MYO9A: variants seen among roughly 807,000 people sequenced by gnomAD.
MYO9A encodes the protein unconventional myosin-IXa.
A neutral mutation model predicts 293.3 loss-of-function variants in MYO9A; 103 were observed. The observed-to-expected ratio is 0.35, with a 90% CI of 0.30 to 0.41. The LOEUF is 0.41. Ranked by LOEUF, MYO9A falls within the 10% of genes least tolerant of loss-of-function variation. The probability of loss-of-function intolerance (pLI) is 1.00; values close to 1 mark genes in which losing one functional copy is unlikely to be tolerated. For synonymous variants in MYO9A, 1,001 were observed against 1,035.7 expected (o/e 0.97, Z 0.64); for missense variants, 2,685 against 3,033.0 (o/e 0.89, Z 2.69).
In MYO9A at chr15:71,824,343, AAAG is replaced by A; in HGVS notation, c.*2234_*2236del. 1 of 152,208 alleles carries A rather than the reference AAAG, an allele frequency of 6.6e-6. No homozygotes were observed. The highest frequency in any genetic ancestry group is 1.9e-4 in the East Asian group (1 of 5,198). 9.4% of individuals were successfully genotyped at this position (152,208 alleles called of 1,614,324 possible). ...CTGCCAAAAAACTTATTTTGCCAAAAAAGCCCCACAAAGATTTAGAAGGAAGAA... is the reference window on the plus strand; with the variant it reads ...CTGCCAAAAAACTTATTTTGCCAAAACCCCACAAAGATTTAGAAGGAAGAA... On this transcript the variant is annotated 3_prime_UTR_variant, in exon 42 of 42. Transcript: ENST00000356056.
chr15:71,921,831 A>G (rs965425631), intron 18 of MYO9A, among the ~76,000 whole-genome samples: 9 of 152,204 alleles, frequency 5.9e-5, no homozygotes, highest in Non-Finnish European at 1.0e-4. Context: ...AAGTTATGAC[A>G]TATTTACATA....
chr15:71,942,285 C>T (rs1178546797), intron 15 of MYO9A, among the ~76,000 whole-genome samples: 1 of 151,690 alleles, frequency 6.6e-6, no homozygotes, highest in African/African-American at 2.4e-5. Context: ...TCTGTGGTTA[C>T]CTAAAGGAGG....
intron 19 of MYO9A, among the ~76,000 whole-genome samples, chr15:71,910,182 A>ATATATATATACGTGTGTATAT (rs1567260909): frequency 1.4e-5 from 2 of 145,734 alleles, no homozygotes; most frequent in Non-Finnish European, 3.0e-5. Flanking sequence ...ATATATATAT[A>ATATATATATACGTGTGTATAT]AAATCAGAAA....
intron 1 of MYO9A, among the ~76,000 whole-genome samples, chr15:72,107,540 C>T (rs368016966): frequency 6.6e-5 from 10 of 152,110 alleles, no homozygotes; most frequent in African/African-American, 2.2e-4. Context: ...CAGAGCAAGA[C>T]TTTGCCCCTC....
At chr15:71,885,286 A>G (rs2056986653) in intron 27 of MYO9A, among the ~76,000 whole-genome samples, 1 of 152,148 alleles carries the variant, frequency 6.6e-6, no homozygotes, top group South Asian at 2.1e-4. Flanking sequence ...TTTTAATGAT[A>G]TTCAGTATTT....
intron 10 of MYO9A, among the ~76,000 whole-genome samples, chr15:71,992,176 A>T (rs1275132336): frequency 6.6e-6 from 1 of 152,214 alleles, no homozygotes; most frequent in East Asian, 1.9e-4. Context: ...CATCATCAAG[A>T]TCTGCTCCCT....
chr15:71,859,713 C>T (rs2056034102), intron 34 of MYO9A, 22 bp downstream of exon 34: 1 of 1,591,708 alleles, frequency 6.3e-7, no homozygotes, highest in Non-Finnish European at 8.6e-7. Context: ...TTATCTATTA[C>T]TGATAGGTGA....
At chr15:71,880,922 GCTTA>G (rs1216337654) in intron 28 of MYO9A, among the ~76,000 whole-genome samples, 1 of 152,136 alleles carries the variant, frequency 6.6e-6, no homozygotes, top group Admixed American at 6.5e-5. Flanking sequence ...CATATTAAAT[GCTTA>G]CTGTTAACAA....
intron 2 of MYO9A, among the ~76,000 whole-genome samples, chr15:72,043,550 C>T (rs1036693601): frequency 2.6e-5 from 4 of 152,126 alleles, no homozygotes; most frequent in Non-Finnish European, 5.9e-5. Flanking sequence ...ATGGATAAAT[C>T]TCAAAATAAT....
intron 18 of MYO9A, among the ~76,000 whole-genome samples, chr15:71,927,393 A>G (rs2058339904): frequency 6.6e-6 from 1 of 152,046 alleles, no homozygotes; most frequent in South Asian, 2.1e-4. Flanking sequence ...TGCTTTCGTT[A>G]TCTGTGTTTT....
chr15:72,011,607 A>T (rs992920574), intron 6 of MYO9A, among the ~76,000 whole-genome samples: 1 of 151,148 alleles, frequency 6.6e-6, no homozygotes, highest in Non-Finnish European at 1.5e-5. Context: ...GAAAAAAAAA[A>T]TTGTTGTGGA....
chr15:72,035,418 A>G (rs1354224463), intron 2 of MYO9A, among the ~76,000 whole-genome samples: 4 of 152,222 alleles, frequency 2.6e-5, no homozygotes, highest in Admixed American at 1.3e-4. Flanking sequence ...ATTCATCTAA[A>G]TAATGGAATA....
chr15:72,068,986 TC>T (rs1694509812), intron 1 of MYO9A, among the ~76,000 whole-genome samples: 1 of 152,170 alleles, frequency 6.6e-6, no homozygotes, highest in Non-Finnish European at 1.5e-5. Context: ...TTGCCACTTG[TC>T]TAAGGTTACA....
At chr15:71,938,965 G>T in intron 15 of MYO9A, 38 bp from the exon 16 acceptor site, 1 of 1,477,938 alleles carries the variant, frequency 6.8e-7, no homozygotes. Flanking sequence ...TCAAATCAGT[G>T]CAAAGAAAAA....
intron 8 of MYO9A, among the ~76,000 whole-genome samples, chr15:72,005,220 A>T (rs1332544099): frequency 6.6e-6 from 1 of 152,226 alleles, no homozygotes. Flanking sequence ...AGGGTTCAAA[A>T]GTAAGATTTT....
chr15:71,972,592 T>TG (rs1373204696), intron 12 of MYO9A, among the ~76,000 whole-genome samples: 1 of 152,210 alleles, frequency 6.6e-6, no homozygotes, highest in Non-Finnish European at 1.5e-5. Context: ...TGCTTGCTGG[T>TG]GGGGAAAACC....
intron 40 of MYO9A, among the ~76,000 whole-genome samples, chr15:71,828,367 C>G (rs1462006379): frequency 1.3e-5 from 2 of 152,152 alleles, no homozygotes; most frequent in Non-Finnish European, 2.9e-5. Flanking sequence ...CATAATGCAT[C>G]AGGAAAGTAC....
chr15:71,946,961 T>A (rs1437856014), intron 15 of MYO9A, among the ~76,000 whole-genome samples: 1 of 151,952 alleles, frequency 6.6e-6, no homozygotes, highest in Non-Finnish European at 1.5e-5. Context: ...AAATAAAATT[T>A]TAAAAATTAG....
chr15:71,870,748 G>T (rs552350487), intron 32 of MYO9A, among the ~76,000 whole-genome samples: 6 of 152,094 alleles, frequency 3.9e-5, no homozygotes, highest in Non-Finnish European at 7.4e-5. Flanking sequence ...TACTTACAAT[G>T]CCTAATACAA....
Sources: allele counts gnomAD v4.1 joint callset (sites outside exome capture counted in the v4.1 genomes callset), GRCh38; gene constraint gnomAD v4.1.1; transcripts MANE v1.5; gene names NCBI Gene and HGNC (gene_info 2026-07-23, HGNC 2026-07-21).